The following TMEM132B variants were observed in gnomAD, a reference collection of about 807,000 sequenced individuals.
TMEM132B encodes transmembrane protein 132B.
TMEM132B carries 18 observed loss-of-function variants against 90.8 expected under a neutral mutation model. The ratio of observed to expected loss-of-function variants is 0.20; its 90% confidence interval spans 0.14 to 0.29. The LOEUF (loss-of-function observed/expected upper bound fraction) is 0.29. Among genes scored for constraint, TMEM132B ranks in the 10% least tolerant of loss-of-function variants. TMEM132B has a pLI of 1.00. For synonymous variants in TMEM132B, 504 were observed against 523.3 expected, an observed-to-expected ratio of 0.96 and a Z score of 0.50; for missense variants, 1,096 against 1,326.8, an observed-to-expected ratio of 0.83 and a Z score of 2.70.
At chr12:125,536,841 T>C (rs1471125017) in intron 4 of TMEM132B, among the ~76,000 whole-genome samples, 3 of 144,884 alleles carry the variant, frequency 2.1e-5, no homozygotes, top group African/African-American at 8.0e-5. Flanking sequence ...AGGTTAAGGA[T>C]GTGAATCTGG....
rs1881367400 is a variant in TMEM132B at position 125,458,979 on chromosome 12, C to T, written c.1106+43302C>T. Among the ~76,000 whole-genome samples the T allele has an allele frequency of 6.6e-6, 1 of 152,202 alleles. No homozygotes were observed. The highest frequency in any genetic ancestry group is 6.5e-5 in the Admixed American group (1 of 15,286). The stretch of plus-strand genomic sequence containing the variant: ...GGGAGAGACAAAATAGGTGTGTGGT[C>T]ATGGAGCTCAGATTCCCTGTGGTCC... On this transcript the variant is annotated intron_variant, in intron 3 of 8. Coordinates refer to ENST00000682704, the MANE Select transcript of TMEM132B (RefSeq NM_001366854.1). This position sits in a 1 kb window ranked among gnomAD's most constrained non-coding sequence, Gnocchi z 4.9.
intron 1 of TMEM132B, among the ~76,000 whole-genome samples, chr12:125,200,240 C>T (rs1251956237): frequency 6.6e-6 from 1 of 152,180 alleles, no homozygotes; most frequent in African/African-American, 2.4e-5. Flanking sequence ...AAATGTATCT[C>T]TTTCAAATAT....
Position 125,659,587 on chromosome 12 carries a change from G to C in TMEM132B, c.*4877G>C, listed in dbSNP as rs908075062. ...GTGGTACACTTGCCAAGTGCCTAGA[G>C]GGGCTAGAGGCTCTCTGTTGGTGTG... On this transcript the variant is annotated 3_prime_UTR_variant, in exon 9 of 9. Coordinates refer to ENST00000682704, the MANE Select transcript of TMEM132B (RefSeq NM_001366854.1). 4 of 152,234 alleles carry C rather than the reference G, an allele frequency of 2.6e-5. No individual in the cohort carries two copies. The highest frequency in any genetic ancestry group is 7.2e-5 in the African/African-American group (3 of 41,454). 9.4% of individuals were successfully genotyped at this position (152,234 alleles called of 1,614,324 possible). A position where few individuals can be genotyped will look rare whatever the true frequency, so the allele number is the denominator to read the frequency against.
At chr12:125,332,974 G>T (rs769838455) in intron 1 of TMEM132B, among the ~76,000 whole-genome samples, 1 of 152,176 alleles carries the variant, frequency 6.6e-6, no homozygotes, top group Non-Finnish European at 1.5e-5. Context: ...TTTCCTGTGG[G>T]TGTTGTAATA....
At chr12:125,285,042 A>G (rs1416927799) in intron 1 of TMEM132B, among the ~76,000 whole-genome samples, 1 of 152,212 alleles carries the variant, frequency 6.6e-6, no homozygotes, top group Admixed American at 6.5e-5. Context: ...CCATCAGTCA[A>G]AGGTTTGTAT....
intron 4 of TMEM132B, among the ~76,000 whole-genome samples, chr12:125,555,856 T>C (rs1439142824): frequency 6.6e-6 from 1 of 152,222 alleles, no homozygotes; most frequent in Non-Finnish European, 1.5e-5. Context: ...GGAATGCTTT[T>C]GAAAATACGT....
intron 3 of TMEM132B, among the ~76,000 whole-genome samples, chr12:125,486,704 C>G (rs1882214102): frequency 6.6e-6 from 1 of 152,214 alleles, no homozygotes; most frequent in Admixed American, 6.5e-5. Context: ...CTAGGACCCT[C>G]TGAGGGTTCG....
intron 5 of TMEM132B, among the ~76,000 whole-genome samples, chr12:125,601,839 A>T (rs1593015496): frequency 6.6e-6 from 1 of 152,250 alleles, no homozygotes; most frequent in South Asian, 2.1e-4. Context: ...AAACACTTCT[A>T]TGCAAATAAA....
chr12:125,396,947 T>C (rs1879184916), intron 2 of TMEM132B, among the ~76,000 whole-genome samples: 1 of 151,896 alleles, frequency 6.6e-6, no homozygotes, highest in African/African-American at 2.4e-5. Context: ...TTGTAGAAAT[T>C]ATGCCTACAG....
chr12:125,212,930 G>C (rs1409853729), intron 1 of TMEM132B, among the ~76,000 whole-genome samples: 1 of 151,898 alleles, frequency 6.6e-6, no homozygotes, highest in Non-Finnish European at 1.5e-5. Context: ...TAAAAACCGA[G>C]GATAAGTTCA....
intron 2 of TMEM132B, among the ~76,000 whole-genome samples, chr12:125,375,422 C>T (rs565691744): frequency 6.6e-6 from 1 of 152,314 alleles, no homozygotes; most frequent in Non-Finnish European, 1.5e-5. Context: ...CAAAGAGATA[C>T]ATTTTGTCGC....
At chr12:125,411,984 A>G (rs1593131969) in intron 2 of TMEM132B, among the ~76,000 whole-genome samples, 2 of 152,152 alleles carry the variant, frequency 1.3e-5, no homozygotes, top group African/African-American at 4.8e-5. Context: ...GTTTAGGACC[A>G]GCAAGCACTG....
intron 4 of TMEM132B, among the ~76,000 whole-genome samples, chr12:125,560,548 C>T (rs1050035033): frequency 3.9e-5 from 6 of 152,012 alleles, no homozygotes; most frequent in African/African-American, 1.2e-4. Context: ...AAAGGCCGGG[C>T]GCGGTGGCTC....
At chr12:125,365,217 A>G (rs1484146640) in intron 2 of TMEM132B, among the ~76,000 whole-genome samples, 3 of 151,648 alleles carry the variant, frequency 2.0e-5, no homozygotes, top group African/African-American at 7.3e-5. Context: ...TTCTTGCATT[A>G]TATTTTTAGT....
chr12:125,602,992 G>A (rs1331292639), intron 5 of TMEM132B, among the ~76,000 whole-genome samples: 1 of 152,162 alleles, frequency 6.6e-6, no homozygotes, highest in Non-Finnish European at 1.5e-5. Context: ...TCATCCTCAT[G>A]GATAGAGAGA....
intron 1 of TMEM132B, among the ~76,000 whole-genome samples, chr12:125,204,044 G>C (rs1873126597): frequency 6.6e-6 from 1 of 152,260 alleles, no homozygotes; most frequent in Non-Finnish European, 1.5e-5. Context: ...TTAGGTCAGT[G>C]GACTTGCTGG....
At chr12:125,603,513 G>A (rs1440856983) in intron 5 of TMEM132B, among the ~76,000 whole-genome samples, 1 of 152,060 alleles carries the variant, frequency 6.6e-6, no homozygotes, top group African/African-American at 2.4e-5. Context: ...AGAAAACCTA[G>A]GCAATACCAT....
chr12:125,549,322 G>A (rs1260497521), intron 4 of TMEM132B, among the ~76,000 whole-genome samples: 4 of 152,200 alleles, frequency 2.6e-5, no homozygotes, highest in Non-Finnish European at 5.9e-5. Flanking sequence ...ACCCACCCAC[G>A]CTCTGAGGTC....
rs145611676 is a variant in TMEM132B, at chr12:125,372,555, T to C, written c.959+22212T>C. ...GCAATGTCAGATCAATGTTAAGAGA[T>C]GTTTTTCCAGTGGAAAGAGGTAGAA... On this transcript the variant is annotated intron_variant, in intron 2 of 8. Coordinates refer to ENST00000682704, the MANE Select transcript of TMEM132B (RefSeq NM_001366854.1). Among the ~76,000 whole-genome samples the C allele has an allele frequency of 3.2e-3, 492 of 152,322 alleles. 2 individuals are homozygous for C. The highest frequency in any genetic ancestry group is 0.014 in the Middle Eastern group (4 of 294).
Sources: allele counts gnomAD v4.1 joint callset (sites outside exome capture counted in the v4.1 genomes callset), GRCh38; gene constraint gnomAD v4.1.1; non-coding constraint Gnocchi (gnomAD v3.1); transcripts MANE v1.5; gene names NCBI Gene and HGNC (gene_info 2026-07-23, HGNC 2026-07-21).